AJAP1: variants seen among roughly 807,000 people sequenced by gnomAD.
The protein encoded by AJAP1 is adherens junctions associated protein 1.
Under a neutral mutation model 35.0 loss-of-function variants are expected in AJAP1, and 5 were observed. The observed-to-expected ratio is 0.14, with a 90% CI of 0.07 to 0.30. AJAP1 has a LOEUF of 0.30. AJAP1 is among the 10% of genes least tolerant of loss of function. The pLI is 1.00. For synonymous variants in AJAP1, 284 were observed against 249.3 expected (o/e 1.14, Z -1.31); for missense variants, 586 against 571.0 (o/e 1.03, Z -0.27).
intron 1 of AJAP1, among the ~76,000 whole-genome samples, chr1:4,697,023 GGTGT>G (rs74534688): frequency 0.065 from 9,937 of 151,924 alleles, 561 homozygotes; most frequent in East Asian, 0.28. Context: ...ACGCACACAT[GGTGT>G]GTGTGTGTGC....
chr1:4,776,571 CAA>C (rs1037438350), intron 5 of AJAP1, among the ~76,000 whole-genome samples: 1 of 151,840 alleles, frequency 6.6e-6, no homozygotes, highest in Non-Finnish European at 1.5e-5. Flanking sequence ...TAAAATAGGG[CAA>C]AAAAAAGTGT....
intron 2 of AJAP1, among the ~76,000 whole-genome samples, chr1:4,748,432 G>A (rs555735498): frequency 3.3e-5 from 5 of 152,226 alleles, no homozygotes; most frequent in East Asian, 3.9e-4. Flanking sequence ...TGGTAGTCAC[G>A]ACGTTGTGGT....
At chr1:4,775,387 C>T (rs1641921824) in intron 5 of AJAP1, among the ~76,000 whole-genome samples, 1 of 152,188 alleles carries the variant, frequency 6.6e-6, no homozygotes, top group Non-Finnish European at 1.5e-5. Context: ...CATCTTGCTT[C>T]CTTCCAAAGG....
chr1:4,701,550 C>T (rs1397760846), intron 1 of AJAP1, among the ~76,000 whole-genome samples: 1 of 152,202 alleles, frequency 6.6e-6, no homozygotes, highest in African/African-American at 2.4e-5. Context: ...TCAGGTTTCC[C>T]AGCCTCGGCC....
chr1:4,667,401 A>G (rs950192387), intron 1 of AJAP1, among the ~76,000 whole-genome samples: 2 of 152,086 alleles, frequency 1.3e-5, no homozygotes, highest in Non-Finnish European at 2.9e-5. Context: ...TCACCTTACA[A>G]CAGCAGTCCC....
chr1:4,732,959 G>A (rs997791890), intron 2 of AJAP1, among the ~76,000 whole-genome samples: 3 of 152,198 alleles, frequency 2.0e-5, no homozygotes, highest in African/African-American at 7.2e-5. Flanking sequence ...GCCTCTTGGG[G>A]TCCAAATTCC....
rs1159184245 is a variant in AJAP1, at chr1:4,723,485, C to CT, written c.829+10786_829+10787insT. Among the ~76,000 whole-genome samples the CT allele has an allele frequency of 6.6e-6, 1 of 152,080 alleles. No individual in the cohort carries two copies. The highest frequency in any genetic ancestry group is 1.5e-5 in the Non-Finnish European group (1 of 68,020). On this transcript the variant is annotated intron_variant, in intron 2 of 5. Transcript: ENST00000378191. This position sits in a 1 kb window ranked among gnomAD's most constrained non-coding sequence, Gnocchi z 4.3. ...CAATTGGGGGTGATAAGGAAGAGCC[C>CT]ACCGGGAGGAGGTGGCCAGGAGGCT...
intron 2 of AJAP1, among the ~76,000 whole-genome samples, chr1:4,733,532 T>C (rs375557766): frequency 6.5e-4 from 98 of 150,968 alleles, no homozygotes; most frequent in African/African-American, 2.3e-3. Flanking sequence ...ACCCCTGTCC[T>C]CACATGGCAT....
chr1:4,775,353 G>A (rs549818872), intron 5 of AJAP1, among the ~76,000 whole-genome samples: 18 of 152,160 alleles, frequency 1.2e-4, no homozygotes, highest in Admixed American at 7.9e-4. Context: ...GGTTCTTTTC[G>A]ACGCTGGGCT....
chr1:4,775,423 G>A (rs1340969804), intron 5 of AJAP1, among the ~76,000 whole-genome samples: 1 of 152,154 alleles, frequency 6.6e-6, no homozygotes, highest in African/African-American at 2.4e-5. Context: ...TCCATGAGTA[G>A]GGAGCCGTAT....
At chr1:4,709,921 G>T (rs368344982) in intron 1 of AJAP1, among the ~76,000 whole-genome samples, 4 of 152,036 alleles carry the variant, frequency 2.6e-5, no homozygotes, top group African/African-American at 9.7e-5. Context: ...GATGACTGGG[G>T]GGCCATCTGT....
chr1:4,751,174 G>C (rs1352917770), intron 2 of AJAP1, among the ~76,000 whole-genome samples: 2 of 152,066 alleles, frequency 1.3e-5, no homozygotes, highest in African/African-American at 4.8e-5. Context: ...CTCCCCCTCT[G>C]TTTTGTCTGG....
rs1273750882 is a variant in AJAP1 at position 4,788,492 on chromosome 1, G to A, written c.*6007G>A. The A allele has an allele frequency of 6.6e-6, 1 of 152,204 alleles. No individual in the cohort carries two copies. The highest frequency in any genetic ancestry group is 2.4e-5 in the African/African-American group (1 of 41,438). 9.4% of individuals were successfully genotyped at this position (152,204 alleles called of 1,614,324 possible). On this transcript the variant is annotated 3_prime_UTR_variant, in exon 6 of 6. Transcript: ENST00000378191. ...TTTATATGGGCCTCCATGTGACCAAGCCATCCCTAGCTAGGAAACTTAACT... is the reference window on the plus strand; with the variant it reads ...TTTATATGGGCCTCCATGTGACCAAACCATCCCTAGCTAGGAAACTTAACT...
chr1:4,727,496 T>C (rs536419018), intron 2 of AJAP1, among the ~76,000 whole-genome samples: 17 of 152,338 alleles, frequency 1.1e-4, no homozygotes, highest in Admixed American at 9.1e-4. Flanking sequence ...TAGCACTTGG[T>C]CACTGATGTC....
At chr1:4,745,571 G>A (rs1641169671) in intron 2 of AJAP1, among the ~76,000 whole-genome samples, 1 of 152,192 alleles carries the variant, frequency 6.6e-6, no homozygotes, top group Admixed American at 6.5e-5. Flanking sequence ...CTCCTCTGCT[G>A]TTCACAGTGC....
At position 4,791,441 on chromosome 1, in the gene AJAP1, A is replaced by G. The variant is rs1285286646; in HGVS notation, c.*8956A>G. ...TTGTTTAATTCTGTAGAAACTGTTC[A>G]CGAAAGGCTGAATGAGTGGGGACAA... On this transcript the variant is annotated 3_prime_UTR_variant, in exon 6 of 6. Transcript: ENST00000378191. 6.6e-6 allele frequency: 1 copy of G among 152,240 alleles called. No individual in the cohort carries two copies. The highest frequency in any genetic ancestry group is 1.9e-4 in the East Asian group (1 of 5,198). 9.4% of individuals were successfully genotyped at this position (152,240 alleles called of 1,614,324 possible). A position where few individuals can be genotyped will look rare whatever the true frequency, so the allele number is the denominator to read the frequency against.
At chr1:4,726,969 T>C (rs1277172774) in intron 2 of AJAP1, among the ~76,000 whole-genome samples, 1 of 152,192 alleles carries the variant, frequency 6.6e-6, no homozygotes, top group East Asian at 1.9e-4. Flanking sequence ...TCACTGTGGC[T>C]TCTGGGGGAT....
chr1:4,719,844 G>T (rs543952516), intron 2 of AJAP1, among the ~76,000 whole-genome samples: 1 of 152,170 alleles, frequency 6.6e-6, no homozygotes, highest in Non-Finnish European at 1.5e-5. Flanking sequence ...CCTCCCTGCC[G>T]GTGTCCACAG....
At chr1:4,668,343 C>T (rs113394374) in intron 1 of AJAP1, among the ~76,000 whole-genome samples, 9 of 149,536 alleles carry the variant, frequency 6.0e-5, no homozygotes, top group African/African-American at 1.7e-4. Flanking sequence ...TGTGCGTGTG[C>T]GTGTGTGTGT....
Sources: allele counts gnomAD v4.1 joint callset (sites outside exome capture counted in the v4.1 genomes callset), GRCh38; gene constraint gnomAD v4.1.1; non-coding constraint Gnocchi (gnomAD v3.1); transcripts MANE v1.5; gene names NCBI Gene and HGNC (gene_info 2026-07-23, HGNC 2026-07-21).